Variants in JAK2 observed in about 807,000 individuals in gnomAD.
The protein encoded by JAK2 is tyrosine-protein kinase JAK2.
A neutral mutation model predicts 139.3 loss-of-function variants in JAK2; 86 were observed. The observed-to-expected ratio is 0.62, with a 90% CI of 0.52 to 0.74. JAK2 has a LOEUF of 0.74. JAK2 is among the 30% of genes least tolerant of loss of function. JAK2 has a pLI of 0.00. For missense variants in JAK2, 1,421 were observed against 1,360.3 expected, an observed-to-expected ratio of 1.04 and a Z score of -0.70; for synonymous variants, 490 against 437.7, an observed-to-expected ratio of 1.12 and a Z score of -1.49.
At chr9:4,987,885 G>C (rs982344097) in intron 2 of JAK2, among the ~76,000 whole-genome samples, 1 of 152,156 alleles carries the variant, frequency 6.6e-6, no homozygotes, top group Non-Finnish European at 1.5e-5. Context: ...CTACTATCAC[G>C]GCTGGGAGGC....
intron 20 of JAK2, among the ~76,000 whole-genome samples, chr9:5,090,068 T>C (rs1820459522): frequency 6.6e-6 from 1 of 152,236 alleles, no homozygotes; most frequent in Non-Finnish European, 1.5e-5. Context: ...TCTTTTCACC[T>C]CTTGCTTAAG....
intron 4 of JAK2, among the ~76,000 whole-genome samples, chr9:5,043,976 C>T (rs780256614): frequency 2.5e-4 from 38 of 152,188 alleles, no homozygotes; most frequent in Non-Finnish European, 4.9e-4. Flanking sequence ...AAAGGTGTTA[C>T]TAAAAGACAA....
intron 2 of JAK2, among the ~76,000 whole-genome samples, chr9:4,996,997 G>A (rs10815142): frequency 0.18 from 26,267 of 147,380 alleles, 2,531 homozygotes; most frequent in Middle Eastern, 0.29. Context: ...GCTCGATCAC[G>A]GCTCACTGCA....
chr9:5,057,079 T>A (rs1817816819), intron 8 of JAK2, among the ~76,000 whole-genome samples: 1 of 152,174 alleles, frequency 6.6e-6, no homozygotes, highest in South Asian at 2.1e-4. Context: ...ATTTTTTATT[T>A]TAGGGATACA....
chr9:5,126,907 A>T lies in JAK2; in HGVS notation c.*116A>T. 1 of 528,748 alleles carries T rather than the reference A, an allele frequency of 1.9e-6. No homozygotes were observed. The highest frequency in any genetic ancestry group is 3.2e-6 in the Non-Finnish European group (1 of 316,846). The allele number at this position is 528,748 out of a possible 1,614,324, so 32.8% of individuals were successfully genotyped here. On this transcript the variant is annotated 3_prime_UTR_variant, in exon 25 of 25. Transcript: ENST00000381652. ...TATTATATAAATCATGATGCTAGCC[A>T]GCAAAGATGTGAAAATATCTGCTCA...
At chr9:5,043,762 G>T (rs904289437) in intron 4 of JAK2, among the ~76,000 whole-genome samples, 1 of 152,176 alleles carries the variant, frequency 6.6e-6, no homozygotes, top group African/African-American at 2.4e-5. Context: ...TATTAATTTG[G>T]CAATAAAAGG....
At chr9:5,049,222 A>G (rs1817244088) in intron 5 of JAK2, among the ~76,000 whole-genome samples, 2 of 152,152 alleles carry the variant, frequency 1.3e-5, no homozygotes, top group Admixed American at 6.5e-5. Flanking sequence ...CACTTCTATC[A>G]TTGCTACTAC....
At chr9:5,085,075 C>CT in intron 19 of JAK2, 1 of 682,162 alleles carries the variant, frequency 1.5e-6, no homozygotes, top group Non-Finnish European at 2.7e-6. Context: ...ACTGCTCTCT[C>CT]TTATTGCTTC....
At chr9:5,081,345 A>G (rs962401799) in intron 18 of JAK2, among the ~76,000 whole-genome samples, 63 of 152,074 alleles carry the variant, frequency 4.1e-4, no homozygotes, top group African/African-American at 1.4e-3. Flanking sequence ...TCTAAACATG[A>G]GCTGTATTTG....
intron 4 of JAK2, among the ~76,000 whole-genome samples, chr9:5,032,754 A>T (rs1307708592): frequency 6.6e-6 from 1 of 152,232 alleles, no homozygotes; most frequent in African/African-American, 2.4e-5. Flanking sequence ...GTATGTCACC[A>T]TCATCAAAGA....
At chr9:5,098,545 C>G (rs759930399) in intron 22 of JAK2, 1 of 152,136 alleles carries the variant, frequency 6.6e-6, no homozygotes, top group Non-Finnish European at 1.5e-5. Flanking sequence ...ACTATCTTAC[C>G]TGCCATTATC....
At chr9:5,034,737 C>T (rs887726864) in intron 4 of JAK2, among the ~76,000 whole-genome samples, 3 of 151,986 alleles carry the variant, frequency 2.0e-5, no homozygotes, top group Non-Finnish European at 2.9e-5. Context: ...ACATTCAAAG[C>T]AGTGTGTAGA....
intron 2 of JAK2, among the ~76,000 whole-genome samples, chr9:5,003,219 A>G (rs1396522212): frequency 6.6e-6 from 1 of 151,952 alleles, no homozygotes; most frequent in East Asian, 1.9e-4. Flanking sequence ...TGTTTTTCAC[A>G]GACTTTAGGA....
intron 22 of JAK2, among the ~76,000 whole-genome samples, chr9:5,119,124 G>A (rs974020085): frequency 6.6e-6 from 1 of 152,066 alleles, no homozygotes; most frequent in African/African-American, 2.4e-5. Context: ...TACCTCAAAG[G>A]TTGAGTAGAT....
intron 8 of JAK2, among the ~76,000 whole-genome samples, chr9:5,058,756 A>G (rs944970167): frequency 6.6e-6 from 1 of 152,270 alleles, no homozygotes; most frequent in East Asian, 1.9e-4. Flanking sequence ...GTAGTATCTC[A>G]TTGTGATTTT....
chr9:5,033,125 C>T lies in JAK2; in HGVS notation c.350+3219C>T, dbSNP rs181259485. Reference sequence around the variant, plus strand: ...CACAAGCCTCAGTAGCCGATTCAATCAATAGGAAGAAAGGGTATCAGAGAT... The same window carrying T: ...CACAAGCCTCAGTAGCCGATTCAATTAATAGGAAGAAAGGGTATCAGAGAT... On this transcript the variant is annotated intron_variant, in intron 4 of 24. Transcript: ENST00000381652. Among the ~76,000 whole-genome samples, 547 of 152,098 alleles carry T rather than the reference C, an allele frequency of 3.6e-3. 3 individuals are homozygous for T. The highest frequency in any genetic ancestry group is 0.013 in the African/African-American group (525 of 41,472).
intron 22 of JAK2, among the ~76,000 whole-genome samples, chr9:5,106,528 G>T: frequency 6.6e-6 from 1 of 152,160 alleles, no homozygotes. Flanking sequence ...AATACCATTT[G>T]ACCCAGCCAT....
At chr9:5,064,460 G>A (rs981093529) in intron 8 of JAK2, among the ~76,000 whole-genome samples, 2 of 151,626 alleles carry the variant, frequency 1.3e-5, no homozygotes, top group African/African-American at 4.8e-5. Context: ...AGCCTGGGAG[G>A]TGGAGGTTGC....
intron 19 of JAK2, chr9:5,085,601 A>G: frequency 1.4e-6 from 1 of 697,806 alleles, no homozygotes; most frequent in South Asian, 1.5e-5. Flanking sequence ...GATACTACAG[A>G]AAGAATTAAA....
Sources: allele counts gnomAD v4.1 joint callset (sites outside exome capture counted in the v4.1 genomes callset), GRCh38; gene constraint gnomAD v4.1.1; transcripts MANE v1.5; gene names NCBI Gene and HGNC (gene_info 2026-07-23, HGNC 2026-07-21).